The following MAGI2 variants were observed in gnomAD, a reference collection of about 807,000 sequenced individuals.
MAGI2 encodes membrane associated guanylate kinase, WW and PDZ domain containing 2.
In MAGI2, 35 loss-of-function variants were observed where a neutral mutation model predicts 133.3. The ratio of observed to expected loss-of-function variants is 0.26; its 90% CI spans 0.20 to 0.35. The LOEUF (loss-of-function observed/expected upper bound fraction) is 0.35, where lower values mean the gene tolerates loss of function less well. Among genes scored for constraint, MAGI2 ranks in the 10% least tolerant of loss-of-function variants. The pLI is 1.00. For missense variants in MAGI2, 1,636 were observed against 1,863.4 expected, an observed-to-expected ratio of 0.88 and a Z score of 2.25; for synonymous variants, 729 against 710.6, an observed-to-expected ratio of 1.03 and a Z score of -0.41.
intron 2 of MAGI2, among the ~76,000 whole-genome samples, chr7:78,683,305 C>T (rs1815899014): frequency 6.6e-6 from 1 of 152,082 alleles, no homozygotes; most frequent in African/African-American, 2.4e-5. Flanking sequence ...ATGGAAAGAG[C>T]TAATAGAAAC....
chr7:78,154,753 C>T (rs1354434662), intron 16 of MAGI2, among the ~76,000 whole-genome samples: 2 of 152,106 alleles, frequency 1.3e-5, no homozygotes, highest in African/African-American at 4.8e-5. Flanking sequence ...TCTTGGGAAC[C>T]TCTGGTGGGA....
chr7:78,614,189 A>C (rs2150920401), intron 3 of MAGI2, among the ~76,000 whole-genome samples: 1 of 150,684 alleles, frequency 6.6e-6, no homozygotes, highest in East Asian at 2.0e-4. Flanking sequence ...GCGATGTATT[A>C]TTTCCTCTCC....
chr7:79,242,342 T>G (rs1304600153), intron 1 of MAGI2, among the ~76,000 whole-genome samples: 1 of 152,162 alleles, frequency 6.6e-6, no homozygotes, highest in African/African-American at 2.4e-5. Context: ...AAATCTGTAA[T>G]TTCATTGACC....
chr7:78,411,519 G>C (rs563485338), intron 6 of MAGI2, among the ~76,000 whole-genome samples: 103 of 152,108 alleles, frequency 6.8e-4, no homozygotes, highest in African/African-American at 2.5e-3. Context: ...CTGGCAGACT[G>C]ACCAACTAGA....
chr7:79,359,359 A>G (rs1243611024), intron 1 of MAGI2, among the ~76,000 whole-genome samples: 2 of 152,098 alleles, frequency 1.3e-5, no homozygotes, highest in Non-Finnish European at 2.9e-5. Context: ...TGAAACAATA[A>G]ATGATCCAAC....
rs1289011399 is a variant in MAGI2, at chr7:78,839,987, A to G, written c.418+167103T>C. ...GACACTTTTCTTTTATTGCTGCCAT[A>G]ATTTTATAGGTCAGCTACCGTCTTT... On this transcript the variant is annotated intron_variant, in intron 2 of 21. Coordinates refer to ENST00000354212, the MANE Select transcript of MAGI2 (RefSeq NM_012301.4). Among the ~76,000 whole-genome samples the G allele has an allele frequency of 2.0e-5, 3 of 152,080 alleles. No homozygotes were observed. The East Asian group carries it at 5.8e-4, about 29-fold the overall frequency.
At chr7:78,918,103 C>T (rs1159407527) in intron 2 of MAGI2, among the ~76,000 whole-genome samples, 4 of 152,064 alleles carry the variant, frequency 2.6e-5, no homozygotes, top group South Asian at 2.1e-4. Flanking sequence ...TCTTGGTGAC[C>T]GTCCCTGTCA....
intron 2 of MAGI2, among the ~76,000 whole-genome samples, chr7:78,913,917 C>A (rs986164642): frequency 6.6e-6 from 1 of 152,174 alleles, no homozygotes; most frequent in African/African-American, 2.4e-5. Flanking sequence ...AGATTCCATG[C>A]TCCTACCCTC....
intron 1 of MAGI2, among the ~76,000 whole-genome samples, chr7:79,243,737 T>C (rs748725223): frequency 1.3e-5 from 2 of 152,210 alleles, no homozygotes; most frequent in African/African-American, 4.8e-5. Context: ...TTAATGTCCA[T>C]AACTTAAAAC....
intron 2 of MAGI2, among the ~76,000 whole-genome samples, chr7:78,779,756 T>A: frequency 6.6e-6 from 1 of 152,204 alleles, no homozygotes; most frequent in East Asian, 1.9e-4. Context: ...TCCATGATAC[T>A]GGGAAGTGAG....
At chr7:78,837,070 G>A (rs946692422) in intron 2 of MAGI2, among the ~76,000 whole-genome samples, 2 of 152,042 alleles carry the variant, frequency 1.3e-5, no homozygotes, top group Admixed American at 6.6e-5. Flanking sequence ...GGACATTATT[G>A]TTACTTCTGT....
chr7:79,079,325 T>C (rs1340504408), intron 1 of MAGI2, among the ~76,000 whole-genome samples: 1 of 152,210 alleles, frequency 6.6e-6, no homozygotes, highest in Non-Finnish European at 1.5e-5. Context: ...TTAATTCTAA[T>C]GATACTTTCA....
chr7:78,462,440 C>G (rs529297757), intron 6 of MAGI2, among the ~76,000 whole-genome samples: 1 of 152,262 alleles, frequency 6.6e-6, no homozygotes, highest in African/African-American at 2.4e-5. Context: ...GGGAACAGGA[C>G]TTTAAAATCT....
At chr7:78,573,865 C>A (rs945378740) in intron 3 of MAGI2, among the ~76,000 whole-genome samples, 1 of 151,998 alleles carries the variant, frequency 6.6e-6, no homozygotes, top group Non-Finnish European at 1.5e-5. Context: ...CAGTTTCTTT[C>A]ATGAAGGGTT....
At chr7:78,566,408 G>A (rs1299469069) in intron 3 of MAGI2, among the ~76,000 whole-genome samples, 2 of 152,004 alleles carry the variant, frequency 1.3e-5, no homozygotes, top group African/African-American at 4.8e-5. Flanking sequence ...GAAGAAAAAT[G>A]CTTGAAAAAT....
At chr7:78,241,531 A>G (rs1203933293) in intron 10 of MAGI2, among the ~76,000 whole-genome samples, 2 of 152,190 alleles carry the variant, frequency 1.3e-5, no homozygotes, top group Non-Finnish European at 2.9e-5. Flanking sequence ...TGGGTCAATT[A>G]TTAACTCTCA....
intron 2 of MAGI2, among the ~76,000 whole-genome samples, chr7:79,003,774 T>C (rs1482750285): frequency 1.3e-5 from 2 of 152,114 alleles, no homozygotes; most frequent in Non-Finnish European, 2.9e-5. Context: ...AATAATCCCA[T>C]TAAAAAGTGG....
At chr7:79,158,095 T>G (rs1413532773) in intron 1 of MAGI2, among the ~76,000 whole-genome samples, 1 of 152,150 alleles carries the variant, frequency 6.6e-6, no homozygotes, top group Non-Finnish European at 1.5e-5. Flanking sequence ...TAAATTTTGC[T>G]ATTTGATTTT....
At chr7:78,028,640 A>C (rs564420109) in intron 21 of MAGI2, among the ~76,000 whole-genome samples, 1 of 152,284 alleles carries the variant, frequency 6.6e-6, no homozygotes, top group South Asian at 2.1e-4. Flanking sequence ...AGATCACTTG[A>C]GGTCAGGAGT....
Sources: gnomAD v4.1 joint callset for allele counts (sites outside exome capture counted in the v4.1 genomes callset) on GRCh38, gnomAD v4.1.1 for gene constraint, MANE v1.5 for transcripts, NCBI Gene and HGNC (gene_info 2026-07-23, HGNC 2026-07-21) for gene names.